AFG1L: variants seen among roughly 807,000 people sequenced by gnomAD.
AFG1L encodes the protein AFG1-like ATPase.
Under a neutral mutation model 62.2 loss-of-function variants are expected in AFG1L, and 53 were observed. The ratio of observed to expected loss-of-function variants is 0.85; its 90% CI spans 0.68 to 1.07. AFG1L has a LOEUF of 1.07. Among genes scored for constraint, AFG1L ranks in the 50% least tolerant of loss-of-function variants. The probability of loss-of-function intolerance (pLI) is 0.00; values close to 1 mark genes in which losing one functional copy is unlikely to be tolerated. For synonymous variants in AFG1L, 228 were observed against 210.3 expected, an observed-to-expected ratio of 1.08 and a Z score of -0.73; for missense variants, 555 against 590.5, an observed-to-expected ratio of 0.94 and a Z score of 0.62.
intron 10 of AFG1L, among the ~76,000 whole-genome samples, chr6:108,498,925 G>A (rs759262764): frequency 1.3e-5 from 2 of 152,116 alleles, no homozygotes; most frequent in African/African-American, 2.4e-5. Context: ...AGTGAGCCAA[G>A]ATTGCGCCAC....
intron 10 of AFG1L, among the ~76,000 whole-genome samples, chr6:108,492,381 G>C (rs772716519): frequency 1.3e-5 from 2 of 152,158 alleles, no homozygotes; most frequent in Non-Finnish European, 2.9e-5. Flanking sequence ...TAATGATTAA[G>C]TACTGATTTC....
intron 1 of AFG1L, among the ~76,000 whole-genome samples, 170 bp downstream of exon 1, chr6:108,295,388 G>T (rs1383414618): frequency 6.6e-6 from 1 of 152,202 alleles, no homozygotes; most frequent in Non-Finnish European, 1.5e-5. Flanking sequence ...CTGTGAATGA[G>T]CCCTGAGCAC....
Position 108,356,747 on chromosome 6 carries a change from C to G in AFG1L, c.575C>G (p.Ser192Ter), listed in dbSNP as rs1402310109. ...PKRKPGFMAK[S>*]YDPIAPIAEE... ...AGGAAACCAGGATTCATGGCTAAAT[C>G]ATATGACCCAATAGCTCCCATAGCC... Residue 192 changes from serine to a stop codon, truncating the protein, a stop_gained, in exon 5 of 13, where the codon TCA (serine) becomes TGA (stop). Coordinates refer to ENST00000368977, the MANE Select transcript of AFG1L (RefSeq NM_145315.5). LOFTEE classifies it high-confidence loss of function. The G allele has an allele frequency of 1.2e-6, 2 of 1,612,990 alleles. No homozygotes were observed. Among genetic ancestry groups the G allele is most frequent in the Non-Finnish European group, 1.7e-6 (2 of 1,179,318 alleles).
At chr6:108,321,814 A>C (rs1777821099) in intron 1 of AFG1L, among the ~76,000 whole-genome samples, 1 of 152,198 alleles carries the variant, frequency 6.6e-6, no homozygotes, top group Non-Finnish European at 1.5e-5. Flanking sequence ...GTTAGGGTAC[A>C]ACTTAGGCTT....
intron 8 of AFG1L, among the ~76,000 whole-genome samples, chr6:108,457,739 T>C (rs575361678): frequency 5.8e-4 from 89 of 152,244 alleles, no homozygotes; most frequent in Non-Finnish European, 8.8e-4. Context: ...ATTTCTCTTT[T>C]TCCTAAAGGA....
At chr6:108,498,019 C>T (rs1433664567) in intron 10 of AFG1L, among the ~76,000 whole-genome samples, 1 of 152,180 alleles carries the variant, frequency 6.6e-6, no homozygotes, top group Admixed American at 6.5e-5. Flanking sequence ...CTGGGCTAGG[C>T]TCTTCTCATC....
intron 7 of AFG1L, among the ~76,000 whole-genome samples, chr6:108,423,370 G>A (rs1770682946): frequency 6.6e-6 from 1 of 152,010 alleles, no homozygotes; most frequent in Non-Finnish European, 1.5e-5. Context: ...TATAGTGCTT[G>A]GTAGGATTCA....
intron 7 of AFG1L, 40 bp from the exon 8 acceptor site, chr6:108,447,174 C>T (rs1205880580): frequency 9.6e-7 from 1 of 1,042,616 alleles, no homozygotes. Flanking sequence ...TTCTGAGCCA[C>T]TACTTGTTTA....
chr6:108,398,464 A>G (rs1781411737), intron 6 of AFG1L, among the ~76,000 whole-genome samples: 1 of 152,046 alleles, frequency 6.6e-6, no homozygotes, highest in Non-Finnish European at 1.5e-5. Flanking sequence ...ACCTGATGTG[A>G]TCCCATTTGT....
intron 7 of AFG1L, among the ~76,000 whole-genome samples, chr6:108,414,037 G>A (rs948575480): frequency 9.2e-5 from 14 of 151,840 alleles, no homozygotes; most frequent in Admixed American, 3.9e-4. Context: ...AGACTAATAA[G>A]GAAGAAAAGA....
At chr6:108,393,662 C>T (rs996398388) in intron 6 of AFG1L, among the ~76,000 whole-genome samples, 3 of 152,080 alleles carry the variant, frequency 2.0e-5, no homozygotes, top group Non-Finnish European at 4.4e-5. Flanking sequence ...TAAACTACAT[C>T]TCAGAGCCTT....
chr6:108,516,128 G>T (rs979521519), intron 11 of AFG1L, among the ~76,000 whole-genome samples: 1 of 151,888 alleles, frequency 6.6e-6, no homozygotes, highest in Non-Finnish European at 1.5e-5. Context: ...AGAAAAAGAG[G>T]GAATCCTCCC....
chr6:108,420,556 T>C (rs1770543661), intron 7 of AFG1L, among the ~76,000 whole-genome samples: 1 of 151,622 alleles, frequency 6.6e-6, no homozygotes, highest in African/African-American at 2.4e-5. Flanking sequence ...GTCGTTGCAA[T>C]TAATAAATAT....
chr6:108,353,218 G>A (rs1054428911), intron 3 of AFG1L, among the ~76,000 whole-genome samples: 26 of 149,182 alleles, frequency 1.7e-4, no homozygotes, highest in Non-Finnish European at 3.0e-4. Flanking sequence ...GCAGTAGCAC[G>A]ATCATAGCTC....
intron 7 of AFG1L, among the ~76,000 whole-genome samples, chr6:108,437,829 A>T (rs1771375495): frequency 6.6e-6 from 1 of 152,172 alleles, no homozygotes; most frequent in African/African-American, 2.4e-5. Context: ...AAGAAAAATG[A>T]TCCTGTGGCT....
chr6:108,338,229 A>G (rs1385613132), intron 2 of AFG1L, among the ~76,000 whole-genome samples: 1 of 152,222 alleles, frequency 6.6e-6, no homozygotes, highest in Non-Finnish European at 1.5e-5. Context: ...TCAGATTTGA[A>G]GTGCATTTCC....
intron 6 of AFG1L, among the ~76,000 whole-genome samples, chr6:108,370,261 T>C (rs757754877): frequency 6.6e-5 from 10 of 152,158 alleles, no homozygotes; most frequent in Non-Finnish European, 1.2e-4. Context: ...GTTGGAAATA[T>C]CCTTCTGGCT....
At chr6:108,460,966 A>G (rs1772441938) in intron 8 of AFG1L, among the ~76,000 whole-genome samples, 1 of 152,246 alleles carries the variant, frequency 6.6e-6, no homozygotes, top group Middle Eastern at 3.4e-3. Context: ...CAACAATGAC[A>G]ACAACAACAA....
chr6:108,313,399 C>T (rs1273794285), intron 1 of AFG1L, among the ~76,000 whole-genome samples: 3 of 152,136 alleles, frequency 2.0e-5, no homozygotes, highest in African/African-American at 4.8e-5. Flanking sequence ...TACAGACATT[C>T]CTTAGAAAAG....
Sources: gnomAD v4.1 joint callset for allele counts (sites outside exome capture counted in the v4.1 genomes callset) on GRCh38, gnomAD v4.1.1 for gene constraint, MANE v1.5 for transcripts, NCBI Gene and HGNC (gene_info 2026-07-23, HGNC 2026-07-21) for gene names.